MOK: variants seen among roughly 807,000 people sequenced by gnomAD.
The protein encoded by MOK is MOK protein kinase.
In MOK, 59 loss-of-function variants were observed where a neutral mutation model predicts 54.2. That is an observed-to-expected ratio of 1.09 (90% CI 0.88 to 1.35). The LOEUF is 1.35. Ranked by LOEUF, MOK falls within the 40% of genes most tolerant of loss-of-function variation. The probability of loss-of-function intolerance (pLI) is 0.00; values close to 1 mark genes in which losing one functional copy is unlikely to be tolerated. For synonymous variants in MOK, 210 were observed against 202.7 expected, an observed-to-expected ratio of 1.04 and a Z score of -0.31; for missense variants, 517 against 526.2, an observed-to-expected ratio of 0.98 and a Z score of 0.17.
At chr14:102,276,513 AT>A (rs1328739751) in intron 2 of MOK, among the ~76,000 whole-genome samples, 1 of 151,984 alleles carries the variant, frequency 6.6e-6, no homozygotes, top group African/African-American at 2.4e-5. Context: ...AAATAAAAAA[AT>A]AAAAAGTTAC....
At chr14:102,227,535 C>T (rs1348059275), downstream of MOK, among the ~76,000 whole-genome samples, 1 of 152,196 alleles carries the variant, frequency 6.6e-6, no homozygotes, top group Non-Finnish European at 1.5e-5. Flanking sequence ...TTAAAAGGAG[C>T]CCGGGGAAAG....
At position 102,290,300 on chromosome 14, in the gene MOK, G is replaced by A. The variant is rs149129337; in HGVS notation, c.8-6708C>T. Among the ~76,000 whole-genome samples, 259 of 152,048 alleles carry A rather than the reference G, an allele frequency of 1.7e-3. 3 individuals carry two copies. The East Asian group carries it at 0.048, about 28-fold the overall frequency. ...ACTAAAAATACAAAATTAGCCGGGT[G>A]TGGTGGTGCATGCCTCTAATCCCAG... is the stretch of plus-strand genomic sequence containing the variant. On this transcript the variant is annotated intron_variant, in intron 1 of 11. Transcript: ENST00000361847.
rs1351672572 is a variant in MOK at position 102,305,011 on chromosome 14, C to T, written c.-43G>A. On this transcript the variant is annotated 5_prime_UTR_variant, in exon 1 of 12. Transcript: ENST00000361847. ...GTGACAACCCCTTGCCGACACTGGA[C>T]GGAAAAGAAAGAAGCAGGAAGGTTG... 1.2e-6 allele frequency: 2 copies of T among 1,605,834 alleles called. No individual in the cohort carries two copies. The highest frequency in any genetic ancestry group is 4.5e-5 in the East Asian group (2 of 44,690).
At chr14:102,246,171 A>G (rs2066075749) in intron 7 of MOK, 2 of 152,134 alleles carry the variant, frequency 1.3e-5, no homozygotes, top group East Asian at 3.9e-4. Context: ...AGGAATCACA[A>G]TCACTATCAA....
intron 1 of MOK, among the ~76,000 whole-genome samples, chr14:102,302,083 T>C (rs2072273228): frequency 6.7e-6 from 1 of 148,874 alleles, no homozygotes; most frequent in Non-Finnish European, 1.5e-5. Context: ...TATACACACA[T>C]ATACTTTTTT....
chr14:102,285,257 G>A (rs1015834307), intron 1 of MOK, among the ~76,000 whole-genome samples: 2 of 152,094 alleles, frequency 1.3e-5, no homozygotes, highest in African/African-American at 4.8e-5. Context: ...ACCTGCACCT[G>A]CACAAAGCAG....
Position 102,276,760 on chromosome 14 carries a change from C to T in MOK, c.122+6718G>A, listed in dbSNP as rs180994333. Among the ~76,000 whole-genome samples the T allele has an allele frequency of 1.1e-4, 17 of 147,844 alleles. No individual in the cohort carries two copies. In the East Asian group the frequency reaches 3.0e-3, roughly 26 times the overall value. The stretch of plus-strand genomic sequence containing the variant: ...GAGCTGAGATCATGCCAGTGCCCTC[C>T]AGCCTGGGCAACAAGAGCGAAACTC... On this transcript the variant is annotated intron_variant, in intron 2 of 11. Transcript: ENST00000361847.
At position 102,263,230 on chromosome 14, in the gene MOK, G is replaced by A. The variant is rs542044306; in HGVS notation, c.283+316C>T. Among the ~76,000 whole-genome samples, 197 of 152,350 alleles carry A rather than the reference G, an allele frequency of 1.3e-3. 1 individual carries two copies. The highest frequency in any genetic ancestry group is 1.8e-3 in the African/African-American group (75 of 41,584). On this transcript the variant is annotated intron_variant, in intron 4 of 11. Coordinates refer to ENST00000361847, the MANE Select transcript of MOK (RefSeq NM_014226.3). ...GGAGCAGAGAGGCCCCTGAGCCAGC[G>A]GGCCTGCACACACATGCCCACGGCG...
At chr14:102,300,276 A>G (rs540737689) in intron 1 of MOK, among the ~76,000 whole-genome samples, 100 of 147,484 alleles carry the variant, frequency 6.8e-4, no homozygotes, top group African/African-American at 2.4e-3. Flanking sequence ...GTGAGCCGAG[A>G]TCGCGCCATT....
rs370137423 is a variant in MOK at position 102,250,822 on chromosome 14, C to T, written c.580G>A (p.Glu194Lys). 36 of 1,613,536 alleles carry T rather than the reference C, an allele frequency of 2.2e-5. No individual in the cohort carries two copies. Among genetic ancestry groups the T allele is most frequent in the African/African-American group, 2.7e-5 (2 of 74,906 alleles). Reference sequence around the variant, plus strand: ...CTGGCCTGGTGCTACCTGGCGATCTCGTAGAACACACAGCCGGCGCTCCAC... The same window carrying T: ...CTGGCCTGGTGCTACCTGGCGATCTTGTAGAACACACAGCCGGCGCTCCAC... ...DLWSAGCVFY[E>K]IASLQPLFPG... is the part of the protein sequence containing the mutation. Residue 194 changes from glutamate (E) to lysine (K), a missense_variant, in exon 7 of 12, where the codon GAG becomes AAG. Transcript: ENST00000361847.
rs2065260735 is a variant in MOK at position 102,236,828 on chromosome 14, C to T, written c.591-3039G>A. Among the ~76,000 whole-genome samples the T allele has an allele frequency of 2.0e-5, 3 of 152,148 alleles. No homozygotes were observed. The South Asian group carries it at 6.2e-4, about 32-fold the overall frequency. ...CATCACAAACAAGCTCTGTTCACGC[C>T]GTCTTCTTAGGCCAACACGTTCTTC... is the stretch of plus-strand genomic sequence containing the variant. On this transcript the variant is annotated intron_variant, in intron 7 of 11. Coordinates refer to ENST00000361847, the MANE Select transcript of MOK (RefSeq NM_014226.3). The surrounding 1 kb of genome is among the most constrained non-coding windows in gnomAD (Gnocchi z 4.5).
the MOK span, among the ~76,000 whole-genome samples, chr14:102,216,386 G>A: frequency 6.6e-6 from 1 of 152,038 alleles, no homozygotes; most frequent in Non-Finnish European, 1.5e-5. Flanking sequence ...TTGACCTCCT[G>A]GGCTCAGTGA....
chr14:102,301,801 T>A (rs928968899), intron 1 of MOK, among the ~76,000 whole-genome samples: 2 of 152,192 alleles, frequency 1.3e-5, no homozygotes, highest in Non-Finnish European at 2.9e-5. Context: ...ACTACCAAAA[T>A]GACCATCTAA....
intron 7 of MOK, among the ~76,000 whole-genome samples, chr14:102,239,018 C>G (rs1254189626): frequency 6.6e-6 from 1 of 152,128 alleles, no homozygotes; most frequent in Non-Finnish European, 1.5e-5. Flanking sequence ...GGAGGCATTT[C>G]CTACCTCTTC....
chr14:102,241,126 G>T (rs945179634), intron 7 of MOK, among the ~76,000 whole-genome samples: 1 of 152,012 alleles, frequency 6.6e-6, no homozygotes, highest in Non-Finnish European at 1.5e-5. Flanking sequence ...TTTACACATC[G>T]GTCCCTCCCT....
intron 6 of MOK, 115 bp downstream of exon 6, chr14:102,251,641 A>G (rs2066535134): frequency 1.2e-6 from 1 of 819,522 alleles, no homozygotes; most frequent in African/African-American, 1.7e-5. Context: ...TGTAACAAAC[A>G]GGCTGTCTAG....
chr14:102,302,887 C>A (rs983380183), intron 1 of MOK, among the ~76,000 whole-genome samples: 1 of 151,316 alleles, frequency 6.6e-6, no homozygotes, highest in African/African-American at 2.4e-5. Flanking sequence ...GAAGGCCAGG[C>A]ACAGTGGCTC....
At chr14:102,278,273 A>T (rs2069072012) in intron 2 of MOK, among the ~76,000 whole-genome samples, 1 of 151,966 alleles carries the variant, frequency 6.6e-6, no homozygotes, top group Non-Finnish European at 1.5e-5. Flanking sequence ...CACTGGGTGG[A>T]GGTATAGATT....
chr14:102,234,575 C>T (rs1166011934), intron 7 of MOK, among the ~76,000 whole-genome samples: 1 of 152,130 alleles, frequency 6.6e-6, no homozygotes, highest in Non-Finnish European at 1.5e-5. Flanking sequence ...ACGTCACCGG[C>T]AGTCTCTTCT....
Sources: gnomAD v4.1 joint callset for allele counts (sites outside exome capture counted in the v4.1 genomes callset) on GRCh38, gnomAD v4.1.1 for gene constraint, Gnocchi (gnomAD v3.1) non-coding constraint, MANE v1.5 for transcripts, NCBI Gene and HGNC (gene_info 2026-07-23, HGNC 2026-07-21) for gene names.